Variants in MED27 observed in about 807,000 individuals in gnomAD.
The protein encoded by MED27 is mediator complex subunit 27.
MED27 carries 30 observed loss-of-function variants against 38.2 expected under a neutral mutation model. That is an observed-to-expected ratio of 0.79 (90% CI 0.59 to 1.07). The LOEUF is 1.07. Ranked by LOEUF, MED27 falls within the 50% of genes least tolerant of loss-of-function variation. The probability of loss-of-function intolerance (pLI) is 0.00; values close to 1 mark genes in which losing one functional copy is unlikely to be tolerated. For synonymous variants in MED27, 122 were observed against 153.5 expected (o/e 0.79, Z 1.52); for missense variants, 289 against 397.5 (o/e 0.73, Z 2.32).
chr9:131,935,200 C>T lies in MED27; in HGVS notation c.573+4181G>A, dbSNP rs148715482. ...TACAATCAATAACAATTTAATTGTA[C>T]ATTTTAAAATAACTAAAAGAGTATA... On this transcript the variant is annotated intron_variant, in intron 4 of 7. Transcript: ENST00000292035. Among the ~76,000 whole-genome samples, 44 of 152,156 alleles carry T rather than the reference C, an allele frequency of 2.9e-4. No individual in the cohort carries two copies. In the East Asian group the frequency reaches 8.1e-3, roughly 28 times the overall value.
chr9:131,917,550 G>GA lies in MED27; in HGVS notation c.573+21830dup. Among the ~76,000 whole-genome samples, 1 of 152,068 alleles carries GA rather than the reference G, an allele frequency of 6.6e-6. No homozygotes were observed. The highest frequency in any genetic ancestry group is 1.5e-5 in the Non-Finnish European group (1 of 68,032). ...TCAGACGACAGGAGATGAGAGCAGT[G>GA]AAGATGGGGTGGGGGGCTAGTGTGC... is the stretch of plus-strand genomic sequence containing the variant. On this transcript the variant is annotated intron_variant, in intron 4 of 7. Transcript: ENST00000292035. This position sits in a 1 kb window ranked among gnomAD's most constrained non-coding sequence, Gnocchi z 4.6.
intron 4 of MED27, among the ~76,000 whole-genome samples, chr9:131,915,928 G>A (rs1390931028): frequency 1.3e-5 from 2 of 152,332 alleles, no homozygotes; most frequent in Middle Eastern, 3.4e-3. Flanking sequence ...GGTTACTTAC[G>A]ATGATGATAA....
intron 4 of MED27, among the ~76,000 whole-genome samples, chr9:131,901,258 A>G (rs1829942260): frequency 6.6e-6 from 1 of 152,258 alleles, no homozygotes; most frequent in South Asian, 2.1e-4. Context: ...AAGTGAGTGC[A>G]GTGAACAATG....
rs149887630 is a variant in MED27 at position 132,071,729 on chromosome 9, G to A, written c.348+5713C>T. ...TCCATGAACAAGCACATATGCATAC[G>A]AGTAATGCACGTCCATGAACGAGCA... On this transcript the variant is annotated intron_variant, in intron 2 of 7. Transcript: ENST00000292035. Among the ~76,000 whole-genome samples the A allele has an allele frequency of 2.0e-5, 3 of 150,166 alleles. No individual in the cohort carries two copies. The East Asian group carries it at 6.0e-4, about 30-fold the overall frequency.
chr9:131,958,026 G>A (rs1345946246), intron 3 of MED27, among the ~76,000 whole-genome samples: 1 of 152,002 alleles, frequency 6.6e-6, no homozygotes, highest in Non-Finnish European at 1.5e-5. Context: ...GAAATTTCTG[G>A]GGTGATTATC....
intron 6 of MED27, among the ~76,000 whole-genome samples, chr9:131,875,817 T>G (rs1190372992): frequency 6.6e-6 from 1 of 152,218 alleles, no homozygotes; most frequent in East Asian, 1.9e-4. Context: ...TTTGCCATGT[T>G]GCCCAGGCTT....
At chr9:132,009,134 C>T (rs1362509368) in intron 3 of MED27, among the ~76,000 whole-genome samples, 1 of 152,132 alleles carries the variant, frequency 6.6e-6, no homozygotes, top group Non-Finnish European at 1.5e-5. Flanking sequence ...CTCAGAACTT[C>T]CCAAAAACCA....
intron 3 of MED27, among the ~76,000 whole-genome samples, chr9:131,956,159 C>T (rs574614432): frequency 3.9e-5 from 6 of 152,056 alleles, no homozygotes; most frequent in Non-Finnish European, 8.8e-5. Flanking sequence ...GGAAATTACG[C>T]TAAGTCAGAA....
chr9:131,986,999 ATTTTTT>A (rs66519112), intron 3 of MED27, among the ~76,000 whole-genome samples: 3 of 46,254 alleles, frequency 6.5e-5, no homozygotes, highest in Admixed American at 3.5e-4. Context: ...GAGTTCATGG[ATTTTTT>A]TTTTTTTTTT....
intron 2 of MED27, among the ~76,000 whole-genome samples, chr9:132,016,492 T>C (rs1048972932): frequency 1.3e-5 from 2 of 152,200 alleles, no homozygotes; most frequent in Non-Finnish European, 2.9e-5. Context: ...AATTTGTTTT[T>C]TTCCTACAGA....
rs766438800 is a variant in MED27 at position 131,941,817 on chromosome 9, A to ATTTTTTTTTTTTTT, written c.480-2357_480-2344dup. On this transcript the variant is annotated intron_variant, in intron 3 of 7. Transcript: ENST00000292035. Reference sequence around the variant, plus strand: ...TAAAGGCAAAGCCCCATTCTGCTGAATTTTTTTTTTTTTTTTTTTTTTTTT... The same window carrying ATTTTTTTTTTTTTT: ...TAAAGGCAAAGCCCCATTCTGCTGAATTTTTTTTTTTTTTTTTTTTTTTTTTTTTTTTTTTTTTT... 3.3e-4 allele frequency among the ~76,000 whole-genome samples: 27 copies of ATTTTTTTTTTTTTT among 82,514 alleles called. 2 individuals carry two copies. Among genetic ancestry groups the ATTTTTTTTTTTTTT allele is most frequent in the African/African-American group, 5.8e-4 (11 of 19,106 alleles). The allele number at this position is 82,514 out of a possible 152,430, so 54.1% of individuals were successfully genotyped here. A position where few individuals can be genotyped will look rare whatever the true frequency, so the allele number is the denominator to read the frequency against.
intron 2 of MED27, among the ~76,000 whole-genome samples, chr9:132,050,345 G>A (rs1319815228): frequency 1.3e-5 from 2 of 152,224 alleles, no homozygotes; most frequent in Admixed American, 6.5e-5. Context: ...GCCTCAGATG[G>A]GAGATGAGGG....
At chr9:131,878,798 T>C (rs549497458) in intron 6 of MED27, among the ~76,000 whole-genome samples, 3 of 152,308 alleles carry the variant, frequency 2.0e-5, no homozygotes, top group Non-Finnish European at 2.9e-5. Flanking sequence ...TGGCTCTTTG[T>C]GATTCTGCCC....
chr9:131,980,457 C>T (rs1340172943), intron 3 of MED27, among the ~76,000 whole-genome samples: 1 of 152,158 alleles, frequency 6.6e-6, no homozygotes, highest in Non-Finnish European at 1.5e-5. Context: ...GACTGGCAGG[C>T]ACCCCTCACG....
At chr9:131,915,123 G>A (rs1033788137) in intron 4 of MED27, among the ~76,000 whole-genome samples, 8 of 152,172 alleles carry the variant, frequency 5.3e-5, no homozygotes, top group African/African-American at 1.9e-4. Context: ...TATCTAGGGA[G>A]TAGGAGTAGA....
chr9:131,885,023 A>T (rs1236177956), intron 5 of MED27, among the ~76,000 whole-genome samples: 7 of 152,238 alleles, frequency 4.6e-5, no homozygotes, highest in Non-Finnish European at 7.3e-5. Flanking sequence ...AAGTTCAGTG[A>T]GGACAGGAGG....
intron 3 of MED27, among the ~76,000 whole-genome samples, chr9:131,948,555 C>T (rs146769366): frequency 5.0e-4 from 76 of 150,768 alleles, no homozygotes; most frequent in Middle Eastern, 6.9e-3. Flanking sequence ...AAACAAAAAA[C>T]AAAACCGTAC....
At chr9:132,028,292 T>C (rs1056692126) in intron 2 of MED27, among the ~76,000 whole-genome samples, 3 of 152,204 alleles carry the variant, frequency 2.0e-5, no homozygotes, top group Admixed American at 1.3e-4. Context: ...CACAGCAGTT[T>C]TATCTGAATC....
chr9:132,061,135 G>A (rs1342519940), intron 2 of MED27, among the ~76,000 whole-genome samples: 2 of 152,212 alleles, frequency 1.3e-5, no homozygotes, highest in Non-Finnish European at 2.9e-5. Context: ...GGATAGAAAG[G>A]GGGGCGGCAA....
Sources: allele counts gnomAD v4.1 joint callset (sites outside exome capture counted in the v4.1 genomes callset), GRCh38; gene constraint gnomAD v4.1.1; non-coding constraint Gnocchi (gnomAD v3.1); transcripts MANE v1.5; gene names NCBI Gene and HGNC (gene_info 2026-07-23, HGNC 2026-07-21).